Variants in EPHA4 observed in about 807,000 individuals in gnomAD.
EPHA4 encodes the protein ephrin type-A receptor 4.
EPHA4 carries 19 observed loss-of-function variants against 108.3 expected under a neutral mutation model. The observed-to-expected ratio is 0.18, with a 90% CI of 0.12 to 0.26. EPHA4 has a LOEUF of 0.26. EPHA4 is among the 10% of genes least tolerant of loss of function. The probability of loss-of-function intolerance (pLI) is 1.00; values close to 1 mark genes in which losing one functional copy is unlikely to be tolerated. For synonymous variants in EPHA4, 449 were observed against 455.5 expected, an observed-to-expected ratio of 0.99 and a Z score of 0.18; for missense variants, 917 against 1,254.0, an observed-to-expected ratio of 0.73 and a Z score of 4.06.
intron 3 of EPHA4, among the ~76,000 whole-genome samples, chr2:221,556,761 TAGAG>T (rs1694317054): frequency 6.6e-6 from 1 of 152,176 alleles, no homozygotes; most frequent in Admixed American, 6.5e-5. Flanking sequence ...GAAAAAACGA[TAGAG>T]AGAGGCTATA....
At chr2:221,490,806 G>T (rs1692119005) in intron 4 of EPHA4, among the ~76,000 whole-genome samples, 1 of 152,180 alleles carries the variant, frequency 6.6e-6, no homozygotes, top group African/African-American at 2.4e-5. Flanking sequence ...CCTGACATTT[G>T]TATATGTTGC....
At chr2:221,537,785 A>G (rs989721813) in intron 3 of EPHA4, among the ~76,000 whole-genome samples, 2 of 152,196 alleles carry the variant, frequency 1.3e-5, no homozygotes, top group African/African-American at 4.8e-5. Flanking sequence ...GTGAGATTCC[A>G]TCGAAAAGAA....
At chr2:221,568,303 T>C (rs1694728366) in intron 2 of EPHA4, among the ~76,000 whole-genome samples, 1 of 152,044 alleles carries the variant, frequency 6.6e-6, no homozygotes, top group Non-Finnish European at 1.5e-5. Context: ...AGAAATGTCT[T>C]CTCTCTCATA....
At chr2:221,431,598 T>C (rs544881133) in intron 14 of EPHA4, among the ~76,000 whole-genome samples, 1 of 152,342 alleles carries the variant, frequency 6.6e-6, no homozygotes, top group South Asian at 2.1e-4. Context: ...GCAATTACAC[T>C]ACGTCAGTTT....
At chr2:221,470,342 A>G (rs77077996) in intron 5 of EPHA4, among the ~76,000 whole-genome samples, 6 of 144,600 alleles carry the variant, frequency 4.1e-5, no homozygotes, top group Admixed American at 2.7e-4. Context: ...GGCGGGGGGG[A>G]GAGAGAGAGA....
At chr2:221,477,224 C>T (rs902283363) in intron 5 of EPHA4, among the ~76,000 whole-genome samples, 2 of 152,062 alleles carry the variant, frequency 1.3e-5, no homozygotes, top group East Asian at 1.9e-4. Context: ...AGAACAGTAA[C>T]GGGAGCATCA....
chr2:221,489,978 C>T (rs1486216615), intron 4 of EPHA4, among the ~76,000 whole-genome samples: 1 of 151,702 alleles, frequency 6.6e-6, no homozygotes, highest in Non-Finnish European at 1.5e-5. Flanking sequence ...AAACCCTGTC[C>T]CTGCAAAAAT....
chr2:221,517,229 G>A (rs1693016109), intron 3 of EPHA4, among the ~76,000 whole-genome samples: 1 of 152,140 alleles, frequency 6.6e-6, no homozygotes, highest in Non-Finnish European at 1.5e-5. Context: ...AACATTACAT[G>A]GGAAAGCATG....
At chr2:221,483,796 G>A (rs762396793) in intron 4 of EPHA4, among the ~76,000 whole-genome samples, 20 of 151,998 alleles carry the variant, frequency 1.3e-4, no homozygotes, top group Non-Finnish European at 1.8e-4. Context: ...CACCATGCCC[G>A]GCCATGATTG....
intron 3 of EPHA4, among the ~76,000 whole-genome samples, chr2:221,507,280 G>A (rs1692660776): frequency 6.6e-6 from 1 of 152,152 alleles, no homozygotes; most frequent in African/African-American, 2.4e-5. Flanking sequence ...CTGCAAATGA[G>A]TAAACTTTTC....
chr2:221,469,364 C>A (rs926716688), intron 5 of EPHA4, among the ~76,000 whole-genome samples: 1 of 152,138 alleles, frequency 6.6e-6, no homozygotes, highest in Non-Finnish European at 1.5e-5. Flanking sequence ...TAGCCAATAT[C>A]TAATCACTAT....
chr2:221,454,128 C>T (rs1314983032), intron 8 of EPHA4, among the ~76,000 whole-genome samples: 3 of 151,936 alleles, frequency 2.0e-5, no homozygotes, highest in South Asian at 2.1e-4. Context: ...TGTAGTGACC[C>T]GAGATCATGC....
chr2:221,462,030 C>G (rs1025096376), intron 5 of EPHA4, among the ~76,000 whole-genome samples: 1 of 143,150 alleles, frequency 7.0e-6, no homozygotes, highest in Non-Finnish European at 1.5e-5. Flanking sequence ...AGAGATGCAT[C>G]ATAGATTGAA....
intron 5 of EPHA4, among the ~76,000 whole-genome samples, chr2:221,464,659 G>C (rs944400335): frequency 6.6e-6 from 1 of 151,950 alleles, no homozygotes; most frequent in African/African-American, 2.4e-5. Flanking sequence ...TTTTGTTTGC[G>C]GTACATTCGA....
intron 5 of EPHA4, among the ~76,000 whole-genome samples, chr2:221,473,974 C>G (rs1691578658): frequency 6.6e-6 from 1 of 152,066 alleles, no homozygotes; most frequent in African/African-American, 2.4e-5. Context: ...TCTGTAGGAG[C>G]AAAAGGAAAG....
At chr2:221,465,549 C>G (rs1691282138) in intron 5 of EPHA4, among the ~76,000 whole-genome samples, 1 of 152,190 alleles carries the variant, frequency 6.6e-6, no homozygotes, top group South Asian at 2.1e-4. Flanking sequence ...CTAGATAGAG[C>G]TGCCCAGCCA....
chr2:221,439,330 CAAAA>C (rs56154778), intron 11 of EPHA4, among the ~76,000 whole-genome samples: 1 of 129,424 alleles, frequency 7.7e-6, no homozygotes, highest in East Asian at 2.3e-4. Flanking sequence ...GTTTTCTACT[CAAAA>C]AAAAAAAAAA....
Position 221,491,734 on chromosome 2 carries a change from AAG to A in EPHA4, c.980-9046_980-9045del, listed in dbSNP as rs150282722. Among the ~76,000 whole-genome samples the A allele has an allele frequency of 4.4e-3, 669 of 152,178 alleles. 1 individual carries two copies. Among genetic ancestry groups the A allele is most frequent in the Non-Finnish European group, 6.2e-3 (420 of 67,998 alleles). On this transcript the variant is annotated intron_variant, in intron 4 of 17. Coordinates refer to ENST00000281821, the MANE Select transcript of EPHA4 (RefSeq NM_004438.5). ...TCTGCCTTGTTCCTACCTTCTGTGC[AAG>A]AGAGTGGCTAGGAGTTTCTATTAAA...
intron 5 of EPHA4, among the ~76,000 whole-genome samples, chr2:221,480,239 C>T (rs576252968): frequency 3.3e-5 from 5 of 152,196 alleles, no homozygotes; most frequent in East Asian, 1.9e-4. Context: ...CTGTCCTCAG[C>T]GCATCTCCCA....
Sources: allele counts gnomAD v4.1 joint callset (sites outside exome capture counted in the v4.1 genomes callset), GRCh38; gene constraint gnomAD v4.1.1; transcripts MANE v1.5; gene names NCBI Gene and HGNC (gene_info 2026-07-23, HGNC 2026-07-21).